Variants in COL4A1 observed in about 807,000 individuals in gnomAD.
COL4A1 encodes collagen alpha-1(IV) chain.
Under a neutral mutation model 216.6 loss-of-function variants are expected in COL4A1, and 40 were observed. The observed-to-expected ratio is 0.18, with a 90% confidence interval of 0.14 to 0.24. COL4A1 has a LOEUF of 0.24. Ranked by LOEUF, COL4A1 falls within the 10% of genes least tolerant of loss-of-function variation. COL4A1 has a pLI of 1.00. For synonymous variants in COL4A1, 839 were observed against 810.7 expected, an observed-to-expected ratio of 1.03 and a Z score of -0.59; for missense variants, 1,628 against 2,196.8, an observed-to-expected ratio of 0.74 and a Z score of 5.18.
intron 1 of COL4A1, among the ~76,000 whole-genome samples, chr13:110,262,399 G>A (rs2139279007): frequency 6.6e-6 from 1 of 152,310 alleles, no homozygotes; most frequent in Non-Finnish European, 1.5e-5. Context: ...CCAGAGTGGT[G>A]GTAATTAAAC....
At chr13:110,258,309 G>A (rs556171256) in intron 1 of COL4A1, among the ~76,000 whole-genome samples, 98 of 152,292 alleles carry the variant, frequency 6.4e-4, no homozygotes, top group South Asian at 1.9e-3. Flanking sequence ...AGGCCAAGGC[G>A]GGCAGATCGC....
At position 110,268,200 on chromosome 13, in the gene COL4A1, A is replaced by C. The variant is rs1452041223; in HGVS notation, c.85-25466T>G. 1.3e-5 allele frequency among the ~76,000 whole-genome samples: 2 copies of C among 152,218 alleles called. No individual in the cohort carries two copies. The highest frequency in any genetic ancestry group is 2.4e-5 in the African/African-American group (1 of 41,454). On this transcript the variant is annotated intron_variant, in intron 1 of 51. Transcript: ENST00000375820. This position sits in a 1 kb window ranked among gnomAD's most constrained non-coding sequence, Gnocchi z 4.1. Reference sequence around the variant, plus strand: ...GCCAGGTTCAGCAGGGCCGATGCCAACTGTGTCCTGCCTCAGAGCACCGGC... The same window carrying C: ...GCCAGGTTCAGCAGGGCCGATGCCACCTGTGTCCTGCCTCAGAGCACCGGC...
chr13:110,230,247 G>A (rs1880965971), intron 2 of COL4A1, among the ~76,000 whole-genome samples: 1 of 151,714 alleles, frequency 6.6e-6, no homozygotes, highest in African/African-American at 2.4e-5. Flanking sequence ...GTATGTATGT[G>A]TGTGTGGTGT....
At chr13:110,258,287 CA>C (rs1882666362) in intron 1 of COL4A1, among the ~76,000 whole-genome samples, 5 of 152,228 alleles carry the variant, frequency 3.3e-5, no homozygotes, top group Non-Finnish European at 7.3e-5. Context: ...CCTGTAATCC[CA>C]GCACTTTGGG....
intron 1 of COL4A1, among the ~76,000 whole-genome samples, chr13:110,276,807 C>T (rs1555314836): frequency 6.6e-6 from 1 of 152,194 alleles, no homozygotes; most frequent in Non-Finnish European, 1.5e-5. Context: ...TATAAAGATA[C>T]CGGGTGCCTT....
chr13:110,291,909 C>T (rs974883396), intron 1 of COL4A1, among the ~76,000 whole-genome samples: 2 of 152,150 alleles, frequency 1.3e-5, no homozygotes, highest in African/African-American at 2.4e-5. Context: ...TTCTACATGG[C>T]GATGCTCAGA....
Position 110,236,112 on chromosome 13 carries a change from T to C in COL4A1, c.144+6563A>G, listed in dbSNP as rs146139978. Among the ~76,000 whole-genome samples the C allele has an allele frequency of 3.6e-3, 547 of 152,316 alleles. 2 individuals are homozygous for C. Among genetic ancestry groups the C allele is most frequent in the Non-Finnish European group, 4.9e-3 (333 of 68,026 alleles). On this transcript the variant is annotated intron_variant, in intron 2 of 51. Transcript: ENST00000375820. ...AGATTCTAAGGCACTTTGACAATTG[T>C]TACAATATAGCACAAAAACGACTAG...
intron 1 of COL4A1, among the ~76,000 whole-genome samples, chr13:110,261,599 G>T (rs1882831435): frequency 6.6e-6 from 1 of 152,188 alleles, no homozygotes; most frequent in Non-Finnish European, 1.5e-5. Flanking sequence ...GACTGCCCAG[G>T]TTCCATCCCT....
intron 1 of COL4A1, chr13:110,265,817 C>T (rs945627811): frequency 1.3e-5 from 2 of 152,190 alleles, no homozygotes; most frequent in Admixed American, 6.5e-5. Context: ...TGGCAGTCAT[C>T]GAAATTCCAC....
chr13:110,228,483 G>A (rs1322587103), intron 2 of COL4A1, among the ~76,000 whole-genome samples: 1 of 152,200 alleles, frequency 6.6e-6, no homozygotes, highest in African/African-American at 2.4e-5. Context: ...GGAGAACAGG[G>A]AAGCCTTGGA....
chr13:110,217,302 T>C (rs1880133827), intron 2 of COL4A1, among the ~76,000 whole-genome samples: 1 of 152,200 alleles, frequency 6.6e-6, no homozygotes. Context: ...GGACATGTTG[T>C]GCAAAGGTTA....
chr13:110,171,566 C>T (rs1877644010), intron 41 of COL4A1, among the ~76,000 whole-genome samples: 1 of 152,042 alleles, frequency 6.6e-6, no homozygotes, highest in South Asian at 2.1e-4. Context: ...CAAATCTTAC[C>T]AATAAAAATG....
At chr13:110,296,667 T>C (rs1884289617) in intron 1 of COL4A1, among the ~76,000 whole-genome samples, 1 of 152,176 alleles carries the variant, frequency 6.6e-6, no homozygotes. Context: ...TCTGATTCCA[T>C]CTATCTGAAG....
At chr13:110,266,789 AG>A (rs1883053150) in intron 1 of COL4A1, among the ~76,000 whole-genome samples, 1 of 152,248 alleles carries the variant, frequency 6.6e-6, no homozygotes, top group African/African-American at 2.4e-5. Context: ...CAAATGGCAC[AG>A]CAAAAAACAA....
chr13:110,169,954 C>T, intron 42 of COL4A1, among the ~76,000 whole-genome samples, 192 bp from the exon 43 acceptor site: 1 of 73,582 alleles, frequency 1.4e-5, no homozygotes, highest in Non-Finnish European at 3.7e-5. Flanking sequence ...GGAATAGAAA[C>T]ACTACTATCT....
chr13:110,220,677 GTCC>G (rs1566386882), intron 2 of COL4A1, among the ~76,000 whole-genome samples: 2 of 150,212 alleles, frequency 1.3e-5, no homozygotes, highest in African/African-American at 4.9e-5. Context: ...GGCCTCCACC[GTCC>G]TCCTTCTGAC....
chr13:110,191,131 A>G (rs1019320503), intron 24 of COL4A1: 3 of 152,396 alleles, frequency 2.0e-5, no homozygotes, highest in Non-Finnish European at 4.4e-5. Flanking sequence ...GCAACTTCTA[A>G]CTCAGCTCCC....
chr13:110,235,679 A>G (rs1428693057), intron 2 of COL4A1, among the ~76,000 whole-genome samples: 3 of 151,538 alleles, frequency 2.0e-5, no homozygotes, highest in Admixed American at 6.6e-5. Flanking sequence ...AAAAGAAGAT[A>G]TGCAAGAAAG....
intron 1 of COL4A1, among the ~76,000 whole-genome samples, chr13:110,292,359 C>A (rs553949018): frequency 6.6e-6 from 1 of 152,188 alleles, no homozygotes; most frequent in African/African-American, 2.4e-5. Context: ...AAGGGGTTCA[C>A]GGGCCCCCCA....
Sources: allele counts gnomAD v4.1 joint callset (sites outside exome capture counted in the v4.1 genomes callset), GRCh38; gene constraint gnomAD v4.1.1; non-coding constraint Gnocchi (gnomAD v3.1); transcripts MANE v1.5; gene names NCBI Gene and HGNC (gene_info 2026-07-23, HGNC 2026-07-21).